The following SCCPDH variants were observed in gnomAD, a reference collection of about 807,000 sequenced individuals.
SCCPDH encodes the protein saccharopine dehydrogenase-like oxidoreductase.
A neutral mutation model predicts 51.5 loss-of-function variants in SCCPDH; 34 were observed. The observed-to-expected ratio is 0.66, with a 90% confidence interval of 0.50 to 0.88. SCCPDH has a LOEUF of 0.88. SCCPDH is among the 40% of genes least tolerant of loss of function. SCCPDH has a pLI of 0.00. For synonymous variants in SCCPDH, 187 were observed against 191.3 expected (o/e 0.98, Z 0.19); for missense variants, 464 against 527.1 (o/e 0.88, Z 1.17).
chr1:246,746,130 AAAG>A lies in SCCPDH; in HGVS notation c.564+2009_564+2011del, dbSNP rs1553273596. ...CTCAAAAAAAAAAAAAAAAAAAAAAAAAGAAGGAAGGGCTTTATTTGGCTGGAG... is the reference window on the plus strand; with the variant it reads ...CTCAAAAAAAAAAAAAAAAAAAAAAAAAGGAAGGGCTTTATTTGGCTGGAG... On this transcript the variant is annotated intron_variant, in intron 5 of 11. Transcript: ENST00000366510. 9.9e-5 allele frequency among the ~76,000 whole-genome samples: 13 copies of A among 131,480 alleles called. No individual in the cohort carries two copies. In the East Asian group the frequency reaches 2.9e-3, roughly 29 times the overall value. The allele number at this position is 131,480 out of a possible 152,430, so 86.3% of individuals were successfully genotyped here.
At chr1:246,758,204 A>C in intron 5 of SCCPDH, 22 bp from the exon 6 acceptor site, 1 of 1,543,184 alleles carries the variant, frequency 6.5e-7, no homozygotes, top group Non-Finnish European at 8.7e-7. Context: ...ATGTTTCTTT[A>C]ACTCTTGAAA....
chr1:246,736,614 T>G (rs2102982280), intron 3 of SCCPDH, among the ~76,000 whole-genome samples: 1 of 151,834 alleles, frequency 6.6e-6, no homozygotes, highest in Admixed American at 6.6e-5. Flanking sequence ...GGTGGGAGAA[T>G]GGGGTGAACC....
intron 2 of SCCPDH, among the ~76,000 whole-genome samples, chr1:246,729,862 T>C (rs1319665517): frequency 6.6e-6 from 1 of 152,204 alleles, no homozygotes; most frequent in Non-Finnish European, 1.5e-5. Context: ...CTAATAAATG[T>C]CCATGAAATC....
At position 246,752,851 on chromosome 1, in the gene SCCPDH, T is replaced by G. The variant is rs1668869350; in HGVS notation, c.565-5375T>G. ...AGAAATTTAATATGAACTGATTTGC[T>G]TTTATATATGACTTTTGTTCTTTTT... On this transcript the variant is annotated intron_variant, in intron 5 of 11. Transcript: ENST00000366510. Among the ~76,000 whole-genome samples, 4 of 152,348 alleles carry G rather than the reference T, an allele frequency of 2.6e-5. No individual in the cohort carries two copies. The South Asian group carries it at 8.3e-4, about 32-fold the overall frequency.
At position 246,726,900 on chromosome 1, in the gene SCCPDH, A is replaced by T; in HGVS notation, c.199A>T (p.Thr67Ser). The change falls in exon 2 of 12, where the codon ACA (threonine) becomes TCA (serine). Residue 67 changes from threonine (T) to serine (S), a missense_variant. Physicochemically the swap from Thr to Ser is moderately conservative, Grantham distance 58 (BLOSUM62 1). Coordinates refer to ENST00000366510, the MANE Select transcript of SCCPDH (RefSeq NM_016002.3). ...EKAALKLGRPTLSSEVGIIIC... is the reference protein window; with the variant it reads ...EKAALKLGRPSLSSEVGIIIC... ...TTTGTTTCTTATTTTAGGAAGACCAACACTGTCATCTGAAGTTGGAATCAT... is the reference window on the plus strand; with the variant it reads ...TTTGTTTCTTATTTTAGGAAGACCATCACTGTCATCTGAAGTTGGAATCAT... 2 of 1,612,194 alleles carry T rather than the reference A, an allele frequency of 1.2e-6. No homozygotes were observed. The highest frequency in any genetic ancestry group is 1.7e-6 in the Non-Finnish European group (2 of 1,178,228).
At chr1:246,761,816 C>T (rs1478169688) in intron 9 of SCCPDH, among the ~76,000 whole-genome samples, 1 of 152,234 alleles carries the variant, frequency 6.6e-6, no homozygotes, top group African/African-American at 2.4e-5. Context: ...GTGTTGCCTC[C>T]AGCTTTTGGC....
At chr1:246,750,144 A>C (rs1235799475) in intron 5 of SCCPDH, among the ~76,000 whole-genome samples, 2 of 152,120 alleles carry the variant, frequency 1.3e-5, no homozygotes, top group African/African-American at 4.8e-5. Context: ...TAGAAGCACT[A>C]GGTAGGGTCC....
At chr1:246,766,018 A>G (rs1243639536) in intron 10 of SCCPDH, 40 bp from the exon 11 acceptor site, 1 of 1,385,876 alleles carries the variant, frequency 7.2e-7, no homozygotes, top group Admixed American at 2.0e-5. Flanking sequence ...TGGGTACTTC[A>G]TGATTCCTTT....
intron 1 of SCCPDH, 147 bp from the exon 2 acceptor site, chr1:246,726,745 G>C (rs1302657912): frequency 4.9e-6 from 3 of 606,144 alleles, no homozygotes; most frequent in East Asian, 5.7e-5. Flanking sequence ...ATTAAAAACA[G>C]TTTTATCTTT....
At chr1:246,750,488 C>T (rs892112192) in intron 5 of SCCPDH, among the ~76,000 whole-genome samples, 1 of 152,164 alleles carries the variant, frequency 6.6e-6, no homozygotes, top group Non-Finnish European at 1.5e-5. Flanking sequence ...AGTCTCTAGA[C>T]TAATTTGGTT....
chr1:246,740,049 CT>C (rs2102983603), intron 3 of SCCPDH, 122 bp from the exon 4 acceptor site: 1 of 649,106 alleles, frequency 1.5e-6, no homozygotes, highest in South Asian at 3.3e-5. Flanking sequence ...TAATGTTTTG[CT>C]GCAGAGCCAC....
At chr1:246,726,002 C>G (rs995460971) in intron 1 of SCCPDH, among the ~76,000 whole-genome samples, 1 of 152,084 alleles carries the variant, frequency 6.6e-6, no homozygotes, top group African/African-American at 2.4e-5. Flanking sequence ...GTAGCTGGGA[C>G]TAGAGGCGCC....
At chr1:246,757,605 A>C (rs1225919434) in intron 5 of SCCPDH, among the ~76,000 whole-genome samples, 1 of 152,182 alleles carries the variant, frequency 6.6e-6, no homozygotes, top group African/African-American at 2.4e-5. Flanking sequence ...AAAAGAAATC[A>C]AGGGATTGAG....
At chr1:246,725,034 C>G (rs1231906500) in intron 1 of SCCPDH, among the ~76,000 whole-genome samples, 1 of 152,206 alleles carries the variant, frequency 6.6e-6, no homozygotes, top group East Asian at 1.9e-4. Flanking sequence ...TCTTGGAGAT[C>G]GGAGTCTCCC....
chr1:246,726,168 G>A (rs1426131671), intron 1 of SCCPDH, among the ~76,000 whole-genome samples: 8 of 152,132 alleles, frequency 5.3e-5, no homozygotes. Flanking sequence ...TGATGGTTTT[G>A]ATGTTAACAG....
At chr1:246,726,419 G>A (rs1316074060) in intron 1 of SCCPDH, among the ~76,000 whole-genome samples, 1 of 147,000 alleles carries the variant, frequency 6.8e-6, no homozygotes, top group East Asian at 2.0e-4. Flanking sequence ...TTTTTTTTTA[G>A]TAGAGACAAG....
At chr1:246,754,292 C>T (rs1414811753) in intron 5 of SCCPDH, among the ~76,000 whole-genome samples, 2 of 152,156 alleles carry the variant, frequency 1.3e-5, no homozygotes, top group East Asian at 1.9e-4. Context: ...GCTGAGAGTC[C>T]GGGTTTATTT....
intron 1 of SCCPDH, among the ~76,000 whole-genome samples, chr1:246,725,347 A>C (rs1668379927): frequency 6.6e-6 from 1 of 152,130 alleles, no homozygotes; most frequent in South Asian, 2.1e-4. Context: ...TTATTGAGTG[A>C]CGTTGTCCAT....
At chr1:246,764,398 C>T (rs1669060143) in intron 10 of SCCPDH, 41 bp downstream of exon 10, 2 of 1,129,166 alleles carry the variant, frequency 1.8e-6, no homozygotes, top group Non-Finnish European at 2.7e-6. Flanking sequence ...GAATTTTATA[C>T]TCTTAAGCTA....
Sources: allele counts gnomAD v4.1 joint callset (sites outside exome capture counted in the v4.1 genomes callset), GRCh38; gene constraint gnomAD v4.1.1; transcripts MANE v1.5; gene names NCBI Gene and HGNC (gene_info 2026-07-23, HGNC 2026-07-21).